The following OBSL1 variants were observed in gnomAD, a reference collection of about 807,000 sequenced individuals.
OBSL1 encodes the protein obscurin like cytoskeletal adaptor 1, also known as obscurin-like protein 1.
In OBSL1, 160 loss-of-function variants were observed where a neutral mutation model predicts 172.0. The ratio of observed to expected loss-of-function variants is 0.93; its 90% confidence interval spans 0.82 to 1.06. The LOEUF is 1.06. OBSL1 is among the 50% of genes least tolerant of loss of function. The pLI is 0.00. For synonymous variants in OBSL1, 1,200 were observed against 1,196.3 expected (o/e 1.00, Z -0.06); for missense variants, 2,681 against 2,715.4 (o/e 0.99, Z 0.28).
At position 219,568,966 on chromosome 2, in the gene OBSL1, C is replaced by T. The variant is rs557577844; in HGVS notation, c.1013-642G>A. 1.3e-5 allele frequency among the ~76,000 whole-genome samples: 2 copies of T among 151,774 alleles called. No individual in the cohort carries two copies. The highest frequency in any genetic ancestry group is 4.8e-5 in the African/African-American group (2 of 41,392). On this transcript the variant is annotated intron_variant, in intron 1 of 20. Coordinates refer to ENST00000404537, the MANE Select transcript of OBSL1 (RefSeq NM_015311.3). This position sits in a 1 kb window ranked among gnomAD's most constrained non-coding sequence, Gnocchi z 4.1. ...GTTTTGCCATGTTGGCCAGGCTGTTCTCGAACTCCTGACCTCAAATGATCC... is the reference window on the plus strand; with the variant it reads ...GTTTTGCCATGTTGGCCAGGCTGTTTTCGAACTCCTGACCTCAAATGATCC...
chr2:219,555,513 C>T (rs1282567201), intron 14 of OBSL1: 2 of 488,762 alleles, frequency 4.1e-6, no homozygotes, highest in African/African-American at 2.1e-5. Flanking sequence ...CTCCTGGCCT[C>T]AAGGGATCCT....
rs866885690 is a variant in OBSL1 at position 219,563,451 on chromosome 2, G to A, written c.2584C>T (p.Arg862Cys). 1.1e-5 allele frequency: 18 copies of A among 1,613,668 alleles called. No individual in the cohort carries two copies. The highest frequency in any genetic ancestry group is 6.7e-5 in the African/African-American group (5 of 74,918). ...FVVLENEGPH[R>C]RLVLPATQPS... The stretch of plus-strand genomic sequence containing the variant: ...TGGGTGGCGGGCAGCACCAGGCGGC[G>A]ATGGGGCCCCTCATTCTCCAGCACC... Residue 862 changes from arginine (R) to cysteine (C), a missense_variant, in exon 7 of 21, where the codon CGC becomes TGC. Transcript: ENST00000404537.
intron 6 of OBSL1, among the ~76,000 whole-genome samples, chr2:219,564,604 G>A (rs1351069882): frequency 6.6e-6 from 1 of 152,222 alleles, no homozygotes; most frequent in Non-Finnish European, 1.5e-5. Flanking sequence ...ACCCAGCAGA[G>A]GCTATGTGGA....
chr2:219,551,803 G>C lies in OBSL1; in HGVS notation c.5414-5C>G. On this transcript the variant is annotated splice_polypyrimidine_tract_variant and splice_region_variant and intron_variant, in intron 19 of 20. Coordinates refer to ENST00000404537, the MANE Select transcript of OBSL1 (RefSeq NM_015311.3). ...GGCACATCTGGAGAGGCAATGCTGG[G>C]GGTAGGGGGCGGGGGCTTAAGTTAA... 1 of 1,551,312 alleles carries C rather than the reference G, an allele frequency of 6.4e-7. No homozygotes were observed.
At chr2:219,565,132 A>G in intron 6 of OBSL1, 110 bp downstream of exon 6, 3 of 1,156,140 alleles carry the variant, frequency 2.6e-6, no homozygotes, top group Non-Finnish European at 3.6e-6. Flanking sequence ...GGGCCACTGG[A>G]CTCTCCCTGT....
In OBSL1 at chr2:219,570,649, C is replaced by A. The variant is rs1264383944; in HGVS notation, c.584G>T (p.Arg195Leu). 1.3e-6 allele frequency: 2 copies of A among 1,509,868 alleles called. No individual in the cohort carries two copies. The highest frequency in any genetic ancestry group is 2.9e-5 in the African/African-American group (2 of 68,770). 93.5% of individuals were successfully genotyped at this position (1,509,868 alleles called of 1,614,324 possible). A position where few individuals can be genotyped will look rare whatever the true frequency, so the allele number is the denominator to read the frequency against. ...EDGPGASLAL[R>L]ILAARLPDSG... ...ATCCGGCAGCCGAGCCGCCAGGATG[C>A]GCAGTGCCAGGCTCGCGCCGGGGCC... Residue 195 changes from arginine to leucine, a missense_variant, in exon 1 of 21, where the codon CGC becomes CTC. Around this residue, in one of 5 missense-constraint regions of OBSL1, gnomAD observed 706 missense variants for 695.8 expected, o/e 1.01. Coordinates refer to ENST00000404537, the MANE Select transcript of OBSL1 (RefSeq NM_015311.3).
rs749183596 is a variant in OBSL1 at position 219,552,102 on chromosome 2, A to G, written c.5413+10T>C. The G allele has an allele frequency of 3.1e-6, 5 of 1,600,542 alleles. No individual in the cohort carries two copies. In the African/African-American group the frequency reaches 5.3e-5, roughly 17 times the overall value. On this transcript the variant is annotated intron_variant, in intron 19 of 20. Transcript: ENST00000404537. ...GTACACTCTCTGTCGCTCCCACCCC[A>G]GGTGCTTACCCTCCACTTCCAGTAG...
chr2:219,564,061 G>C (rs1696695140), intron 6 of OBSL1, among the ~76,000 whole-genome samples: 1 of 152,200 alleles, frequency 6.6e-6, no homozygotes, highest in Non-Finnish European at 1.5e-5. Context: ...CACTCTCCAG[G>C]TAGTGGGTTC....
chr2:219,551,450 G>A (rs752923440), intron 20 of OBSL1, 79 bp downstream of exon 20: 60 of 1,457,518 alleles, frequency 4.1e-5, no homozygotes, highest in Non-Finnish European at 5.3e-5. Context: ...GTTCTGGAAA[G>A]CCTCCCATAG....
Position 219,557,879 on chromosome 2 carries a change from C to T in OBSL1, c.3734G>A (p.Cys1245Tyr), listed in dbSNP as rs1249931818. The T allele has an allele frequency of 3.1e-6, 5 of 1,601,224 alleles. No homozygotes were observed. In the African/African-American group the frequency reaches 6.7e-5, roughly 21 times the overall value. Residue 1245 changes from cysteine (C) to tyrosine (Y), a missense_variant, in exon 11 of 21, where the codon TGC becomes TAC. Cys to Tyr is a radical substitution (Grantham distance 194). Around this residue, in one of 5 missense-constraint regions of OBSL1, gnomAD observed 1,765 missense variants for 1,748.3 expected, o/e 1.01. Coordinates refer to ENST00000404537, the MANE Select transcript of OBSL1 (RefSeq NM_015311.3). ...AGPAHAGLYT[C>Y]QSGAAPGAPS... ...GGCTCCGGGGGCTGCTCCAGACTGG[C>T]AGGTGTAGAGCCCTGCATGGGCTGG...
chr2:219,553,932 G>A (rs1695820404), intron 15 of OBSL1, among the ~76,000 whole-genome samples: 1 of 151,942 alleles, frequency 6.6e-6, no homozygotes, highest in Non-Finnish European at 1.5e-5. Context: ...GGTGGTCAGT[G>A]GGGGAGAAGC....
In OBSL1 at chr2:219,559,481, G is replaced by A. The variant is rs779213441; in HGVS notation, c.2970C>T (p.Ile990=). ...TVTVTEPPVR[I]IYPRDEVTLI... ...AGGTCACCTCATCGCGAGGGTATAT[G>A]ATCCGCACTGGGGGTTCTGCAGGGT... is the stretch of plus-strand genomic sequence containing the variant. Residue 990 remains isoleucine, a synonymous_variant, in exon 9 of 21, where the codon ATC becomes ATT. Transcript: ENST00000404537. 95 of 1,612,854 alleles carry A rather than the reference G, an allele frequency of 5.9e-5. No homozygotes were observed. Among genetic ancestry groups the A allele is most frequent in the Admixed American group, 1.0e-4 (6 of 59,984 alleles).
chr2:219,552,300 G>C (rs1354586811), intron 18 of OBSL1, 84 bp from the exon 19 acceptor site: 2 of 1,306,068 alleles, frequency 1.5e-6, no homozygotes, highest in Admixed American at 4.2e-5. Flanking sequence ...CAGGCCCCTG[G>C]GTCGGTTCGG....
Position 219,567,317 on chromosome 2 carries a change from T to C in OBSL1, c.1793A>G (p.His598Arg), listed in dbSNP as rs760745611. The change falls in exon 4 of 21, where the codon CAT becomes CGT. Residue 598 changes from histidine (H) to arginine (R), a missense_variant. Physicochemically the swap from His to Arg is conservative, Grantham distance 29. Around this residue, in one of 5 missense-constraint regions of OBSL1, gnomAD observed 53 missense variants for 85.5 expected, o/e 0.62. Coordinates refer to ENST00000404537, the MANE Select transcript of OBSL1 (RefSeq NM_015311.3). ...YRFRICTVSG[H>R]GRSPHVVFHG... ...GAACACCACGTGGGGACTACGGCCA[T>C]GTCCGCTGACTGTGCAGATGCGGAA... The C allele has an allele frequency of 2.6e-5, 41 of 1,605,906 alleles. 1 individual carries two copies. Among genetic ancestry groups the C allele is most frequent in the South Asian group, 5.5e-5 (5 of 90,628 alleles).
chr2:219,550,823 G>T lies in OBSL1; in HGVS notation c.*12C>A. On this transcript the variant is annotated 3_prime_UTR_variant, in exon 21 of 21. Coordinates refer to ENST00000404537, the MANE Select transcript of OBSL1 (RefSeq NM_015311.3). ...CTGTCCAAGGGCACCCGCCTGGCCT[G>T]GTTAGGTTCTCCTAGTTGCCTGCAG... 1 of 1,611,546 alleles carries T rather than the reference G, an allele frequency of 6.2e-7. No individual in the cohort carries two copies. Among genetic ancestry groups the T allele is most frequent in the South Asian group, 1.1e-5 (1 of 90,408 alleles).
intron 8 of OBSL1, chr2:219,559,741 C>A: frequency 2.0e-6 from 1 of 492,216 alleles, no homozygotes; most frequent in East Asian, 3.1e-5. Flanking sequence ...TTCCTCAGCC[C>A]CCACGGGAGC....
intron 8 of OBSL1, among the ~76,000 whole-genome samples, chr2:219,560,776 C>T (rs751777305): frequency 3.3e-5 from 5 of 152,186 alleles, no homozygotes; most frequent in Non-Finnish European, 7.3e-5. Context: ...GCAGGCTGGT[C>T]CTCTGGGGCC....
At chr2:219,554,387 G>C in intron 15 of OBSL1, 87 bp downstream of exon 15, 1 of 1,469,848 alleles carries the variant, frequency 6.8e-7, no homozygotes, top group Non-Finnish European at 9.4e-7. Flanking sequence ...GTCAGTGGGG[G>C]TCACACGAGT....
rs1423819748 is a variant in OBSL1, at chr2:219,551,674, G to A, written c.5538C>T (p.Ala1846=). 1.9e-6 allele frequency: 3 copies of A among 1,611,140 alleles called. No individual in the cohort carries two copies. The highest frequency in any genetic ancestry group is 2.5e-6 in the Non-Finnish European group (3 of 1,179,258). Residue 1846 remains alanine (A), a synonymous_variant, in exon 20 of 21, where the codon GCC becomes GCT. Transcript: ENST00000404537. ...GGHVCWLREG[A]ELCPGDKYEM... is the part of the protein sequence containing the mutation. ...CATACTTATCTCCCGGGCACAGCTC[G>A]GCCCCCTCCCGCAGCCAGCACACGT...
Sources: allele counts gnomAD v4.1 joint callset (sites outside exome capture counted in the v4.1 genomes callset), GRCh38; gene constraint gnomAD v4.1.1; regional missense constraint gnomAD v4.1.1; non-coding constraint Gnocchi (gnomAD v3.1); transcripts MANE v1.5; gene names NCBI Gene and HGNC (gene_info 2026-07-23, HGNC 2026-07-21).